FCHO2: variants seen among roughly 807,000 people sequenced by gnomAD.
The protein encoded by FCHO2 is FCH and mu domain containing endocytic adaptor 2.
A neutral mutation model predicts 114.1 loss-of-function variants in FCHO2; 43 were observed. The observed-to-expected ratio is 0.38, with a 90% CI of 0.30 to 0.49. The LOEUF (loss-of-function observed/expected upper bound fraction) is 0.49. FCHO2 is among the 20% of genes least tolerant of loss of function. FCHO2 has a pLI of 0.97. For synonymous variants in FCHO2, 293 were observed against 315.2 expected, an observed-to-expected ratio of 0.93 and a Z score of 0.75; for missense variants, 807 against 950.4, an observed-to-expected ratio of 0.85 and a Z score of 1.98.
chr5:72,999,113 A>G (rs1237750030), intron 5 of FCHO2, among the ~76,000 whole-genome samples: 1 of 152,048 alleles, frequency 6.6e-6, no homozygotes, highest in Admixed American at 6.6e-5. Flanking sequence ...AGTGGGATGG[A>G]CTACTCAGAG....
At chr5:73,004,534 G>T (rs1310200633) in intron 5 of FCHO2, among the ~76,000 whole-genome samples, 1 of 152,058 alleles carries the variant, frequency 6.6e-6, no homozygotes, top group Non-Finnish European at 1.5e-5. Context: ...TTTCTTGTTA[G>T]AAACCATAAT....
rs142494496 is a variant in FCHO2 at position 73,031,000 on chromosome 5, T to A, written c.797-3657T>A. Among the ~76,000 whole-genome samples the A allele has an allele frequency of 4.9e-3, 751 of 152,342 alleles. 7 individuals carry two copies. Among genetic ancestry groups the A allele is most frequent in the Non-Finnish European group, 6.9e-3 (471 of 68,034 alleles). On this transcript the variant is annotated intron_variant, in intron 8 of 25. Transcript: ENST00000430046. ...GCTATATTTGTTATCATTTACCTTT[T>A]ATAAATGATACAACCTAGGTTCAAA...
intron 9 of FCHO2, among the ~76,000 whole-genome samples, 189 bp from the exon 10 acceptor site, chr5:73,036,954 C>A (rs1561467443): frequency 6.6e-6 from 1 of 152,092 alleles, no homozygotes; most frequent in Non-Finnish European, 1.5e-5. Context: ...AAACAATAGA[C>A]TATGTTTTAT....
chr5:72,971,306 C>T (rs1311296554), intron 2 of FCHO2, among the ~76,000 whole-genome samples: 1 of 151,590 alleles, frequency 6.6e-6, no homozygotes, highest in African/African-American at 2.4e-5. Flanking sequence ...AACTAGTTTA[C>T]AGTCCCACCA....
intron 2 of FCHO2, among the ~76,000 whole-genome samples, chr5:72,982,651 T>TA (rs1753277979): frequency 1.3e-5 from 2 of 152,190 alleles, no homozygotes; most frequent in African/African-American, 4.8e-5. Context: ...GGAGTGCCTT[T>TA]AGATATTGGA....
intron 1 of FCHO2, among the ~76,000 whole-genome samples, chr5:72,961,718 C>G (rs1316347485): frequency 6.6e-6 from 1 of 152,024 alleles, no homozygotes; most frequent in African/African-American, 2.4e-5. Context: ...CCTTAGCCTC[C>G]CTGGTAGCTG....
At chr5:73,081,449 G>T (rs1374083262) in intron 22 of FCHO2, among the ~76,000 whole-genome samples, 1 of 152,114 alleles carries the variant, frequency 6.6e-6, no homozygotes, top group Non-Finnish European at 1.5e-5. Context: ...TGGAAGATTC[G>T]CAAACTTTAC....
chr5:73,069,757 C>T (rs1742545742), intron 19 of FCHO2, among the ~76,000 whole-genome samples: 1 of 152,046 alleles, frequency 6.6e-6, no homozygotes, highest in Admixed American at 6.6e-5. Flanking sequence ...CCTCACCAAA[C>T]AAATTCAGTA....
chr5:73,041,262 T>C, intron 10 of FCHO2, 29 bp from the exon 11 acceptor site: 1 of 1,420,644 alleles, frequency 7.0e-7, no homozygotes, highest in Non-Finnish European at 9.9e-7. Flanking sequence ...TTCTAATTAT[T>C]GAGTATTTCT....
rs546728435 is a variant in FCHO2 at position 72,998,815 on chromosome 5, A to G, written c.496-7630A>G. Reference sequence around the variant, plus strand: ...AGTTTAATGTAATGATTTAGATGCAATTAAAGGATTTTTTTTTTTTTTGTC... The same window carrying G: ...AGTTTAATGTAATGATTTAGATGCAGTTAAAGGATTTTTTTTTTTTTTGTC... On this transcript the variant is annotated intron_variant, in intron 5 of 25. Transcript: ENST00000430046. 5.4e-4 allele frequency among the ~76,000 whole-genome samples: 82 copies of G among 151,546 alleles called. No individual in the cohort carries two copies. The Middle Eastern group carries it at 0.01, about 19-fold the overall frequency.
intron 2 of FCHO2, among the ~76,000 whole-genome samples, chr5:72,985,166 A>AC (rs1485276647): frequency 6.6e-6 from 1 of 151,212 alleles, no homozygotes; most frequent in Admixed American, 6.6e-5. Flanking sequence ...TCTATTCAGT[A>AC]CTTTTTTTTT....
At chr5:72,982,620 A>G (rs1297087958) in intron 2 of FCHO2, among the ~76,000 whole-genome samples, 1 of 152,186 alleles carries the variant, frequency 6.6e-6, no homozygotes, top group Non-Finnish European at 1.5e-5. Flanking sequence ...AGTCATCACC[A>G]TAGCCAAGGT....
chr5:72,956,207 G>GGC, intron 1 of FCHO2, 78 bp downstream of exon 1: 1 of 1,471,894 alleles, frequency 6.8e-7, no homozygotes, highest in Non-Finnish European at 9.1e-7. Context: ...CGTGCGCTTC[G>GGC]GGCGGCGGCG....
At chr5:73,042,143 G>T (rs57844994) in intron 11 of FCHO2, among the ~76,000 whole-genome samples, 8 of 151,878 alleles carry the variant, frequency 5.3e-5, no homozygotes, top group Non-Finnish European at 1.2e-4. Flanking sequence ...TTATATTTTG[G>T]CCTTAAAATA....
intron 21 of FCHO2, 93 bp downstream of exon 21, chr5:73,077,586 T>C: frequency 7.4e-7 from 1 of 1,349,422 alleles, no homozygotes; most frequent in Non-Finnish European, 9.8e-7. Context: ...TCCCAGCAGT[T>C]TGGGAGGCTG....
chr5:72,989,827 T>C (rs1034544408), intron 3 of FCHO2, among the ~76,000 whole-genome samples: 1 of 152,152 alleles, frequency 6.6e-6, no homozygotes, highest in Non-Finnish European at 1.5e-5. Flanking sequence ...AATTCTGTTG[T>C]AGTTTAACAG....
At chr5:73,034,432 A>C (rs567229280) in intron 8 of FCHO2, 1 of 402,692 alleles carries the variant, frequency 2.5e-6, no homozygotes, top group Non-Finnish European at 4.4e-6. Context: ...TATTGTGATC[A>C]TAATGGGCTA....
At chr5:72,974,632 A>C (rs892729053) in intron 2 of FCHO2, among the ~76,000 whole-genome samples, 1 of 151,954 alleles carries the variant, frequency 6.6e-6, no homozygotes, top group Non-Finnish European at 1.5e-5. Flanking sequence ...AATACAGCAC[A>C]CTGATGGGTC....
chr5:73,072,755 A>G (rs1742717053), intron 19 of FCHO2, among the ~76,000 whole-genome samples: 1 of 151,976 alleles, frequency 6.6e-6, no homozygotes, highest in South Asian at 2.1e-4. Context: ...TTGTTGTTTC[A>G]TGGGTATAGG....
Sources: gnomAD v4.1 joint callset for allele counts (sites outside exome capture counted in the v4.1 genomes callset) on GRCh38, gnomAD v4.1.1 for gene constraint, MANE v1.5 for transcripts, NCBI Gene and HGNC (gene_info 2026-07-23, HGNC 2026-07-21) for gene names.